Variants in SPECC1 observed in about 807,000 individuals in gnomAD.
SPECC1 encodes sperm antigen with calponin homology and coiled-coil domains 1.
SPECC1 carries 62 observed loss-of-function variants against 104.1 expected under a neutral mutation model. That is an observed-to-expected ratio of 0.60 (90% CI 0.49 to 0.74). The LOEUF (loss-of-function observed/expected upper bound fraction) is 0.74. SPECC1 is among the 30% of genes least tolerant of loss of function. The pLI, the probability that SPECC1 is intolerant of heterozygous loss-of-function variation, is 0.00. For missense variants in SPECC1, 1,306 were observed against 1,310.5 expected (o/e 1.00, Z 0.05); for synonymous variants, 513 against 501.6 (o/e 1.02, Z -0.30).
intron 4 of SPECC1, among the ~76,000 whole-genome samples, chr17:20,218,117 A>G (rs1286680092): frequency 2.6e-5 from 4 of 152,204 alleles, no homozygotes; most frequent in African/African-American, 9.7e-5. Flanking sequence ...TCTTTCATGT[A>G]TTGTGATTTT....
At chr17:20,180,874 C>T (rs2034834221) in intron 3 of SPECC1, among the ~76,000 whole-genome samples, 1 of 151,822 alleles carries the variant, frequency 6.6e-6, no homozygotes, top group South Asian at 2.1e-4. Context: ...TACATTTTCC[C>T]CTAGGTCTAG....
chr17:20,188,529 G>GT (rs2035437367), intron 3 of SPECC1, among the ~76,000 whole-genome samples: 1 of 152,038 alleles, frequency 6.6e-6, no homozygotes. Flanking sequence ...TGCCTGCCTT[G>GT]GCCTCCCAAA....
Position 20,204,739 on chromosome 17 carries a change from G to C in SPECC1, c.690G>C (p.Glu230Asp), listed in dbSNP as rs763906753. 10 of 1,604,966 alleles carry C rather than the reference G, an allele frequency of 6.2e-6. No individual in the cohort carries two copies. The highest frequency in any genetic ancestry group is 6.8e-6 in the Non-Finnish European group (8 of 1,179,808). ...GDTEPMIRAL[E>D]EKNKNFQKEL... ...CGGAACCTATGATAAGAGCTCTTGA[G>C]GAGAAGAACAAGAACTTTCAGAAAG... Residue 230 changes from glutamate (E) to aspartate (D), a missense_variant, in exon 4 of 15, where the codon GAG (glutamate) becomes GAC (aspartate). Transcript: ENST00000395527.
intron 12 of SPECC1, among the ~76,000 whole-genome samples, chr17:20,280,139 T>G (rs1167686516): frequency 6.6e-6 from 1 of 152,126 alleles, no homozygotes; most frequent in East Asian, 1.9e-4. Context: ...AACAGAAAAC[T>G]GGAAACAACC....
At chr17:20,146,127 T>A (rs1167856598) in intron 3 of SPECC1, among the ~76,000 whole-genome samples, 1 of 152,176 alleles carries the variant, frequency 6.6e-6, no homozygotes, top group African/African-American at 2.4e-5. Context: ...TGGTGTACAT[T>A]CTATGGGTTT....
At chr17:20,258,882 C>T (rs1246108198) in intron 11 of SPECC1, among the ~76,000 whole-genome samples, 1 of 152,342 alleles carries the variant, frequency 6.6e-6, no homozygotes, top group African/African-American at 2.4e-5. Flanking sequence ...TAGTGTGGAA[C>T]ACTGTTGCAC....
At chr17:20,219,848 T>C (rs752246293) in intron 4 of SPECC1, among the ~76,000 whole-genome samples, 8 of 152,188 alleles carry the variant, frequency 5.3e-5, no homozygotes, top group Non-Finnish European at 1.2e-4. Context: ...CCTTTTGATA[T>C]GATTTTTGTA....
chr17:20,189,152 A>G (rs1367765589), intron 3 of SPECC1, among the ~76,000 whole-genome samples: 11 of 152,162 alleles, frequency 7.2e-5, no homozygotes. Flanking sequence ...GCACGTGAAT[A>G]TGGCAGATCT....
chr17:20,239,014 G>T, intron 7 of SPECC1: 1 of 1,035,044 alleles, frequency 9.7e-7, no homozygotes, highest in Non-Finnish European at 1.2e-6. Context: ...ACTAGAATTT[G>T]AGGTAGAAAA....
Position 20,230,447 on chromosome 17 carries a change from C to T in SPECC1, c.2072-1311C>T, listed in dbSNP as rs558184407. ...ATACAACTGAAAACCTGGACGCCAT[C>T]ATCATCAGTGTATCCTTCCAAACCC... On this transcript the variant is annotated intron_variant, in intron 5 of 14. Transcript: ENST00000395527. 3.3e-5 allele frequency among the ~76,000 whole-genome samples: 5 copies of T among 152,300 alleles called. No individual in the cohort carries two copies. The East Asian group carries it at 9.6e-4, about 29-fold the overall frequency.
rs748689632 is a variant in SPECC1 at position 20,240,060 on chromosome 17, A to ATTTTTTTTT, written c.2352-5842_2352-5834dup. Among the ~76,000 whole-genome samples, 7 of 32,200 alleles carry ATTTTTTTTT rather than the reference A, an allele frequency of 2.2e-4. 1 individual carries two copies. Among genetic ancestry groups the ATTTTTTTTT allele is most frequent in the Non-Finnish European group, 3.1e-4 (6 of 19,360 alleles). The allele number at this position is 32,200 out of a possible 152,430, so 21.1% of individuals were successfully genotyped here. ...AGGGGCACACCACCATGTCCAGCTA[A>ATTTTTTTTT]TTTTTTTTTTTTTTTTTTTTTTTTT... On this transcript the variant is annotated intron_variant, in intron 7 of 14. Transcript: ENST00000395527.
intron 2 of SPECC1, among the ~76,000 whole-genome samples, chr17:20,105,724 G>A (rs942086623): frequency 2.6e-5 from 4 of 152,184 alleles, no homozygotes; most frequent in Non-Finnish European, 5.9e-5. Flanking sequence ...CTCTTGCAGT[G>A]CCTCAAAGGC....
chr17:20,031,058 G>A (rs570052149), intron 1 of SPECC1, among the ~76,000 whole-genome samples: 120 of 152,164 alleles, frequency 7.9e-4, no homozygotes, highest in Non-Finnish European at 1.3e-3. Flanking sequence ...TCAGTGGCGC[G>A]ATCTCGACTC....
chr17:20,312,934 G>A (rs1274214446), intron 14 of SPECC1, among the ~76,000 whole-genome samples: 1 of 152,188 alleles, frequency 6.6e-6, no homozygotes, highest in African/African-American at 2.4e-5. Context: ...AGGAACTGAT[G>A]TGCTAAGTTC....
intron 12 of SPECC1, among the ~76,000 whole-genome samples, chr17:20,286,334 A>G (rs2040944737): frequency 6.6e-6 from 1 of 152,108 alleles, no homozygotes; most frequent in Non-Finnish European, 1.5e-5. Flanking sequence ...GCTGCTTTTC[A>G]TTTTCTTCTC....
At chr17:20,235,906 G>A (rs1258996730) in intron 7 of SPECC1, among the ~76,000 whole-genome samples, 7 of 152,190 alleles carry the variant, frequency 4.6e-5, no homozygotes, top group Non-Finnish European at 8.8e-5. Context: ...AGCGCAGCAC[G>A]TGCAGACTCC....
At position 20,069,324 on chromosome 17, in the gene SPECC1, A is replaced by G. The variant is rs186693556; in HGVS notation, c.-21-27307A>G. ...GGCTGCATGTCCTTTCATTTTCTTG[A>G]TAGTATCTTTTGAAGCAAAAGGTTT... On this transcript the variant is annotated intron_variant, in intron 1 of 14. Transcript: ENST00000395527. 3.3e-5 allele frequency among the ~76,000 whole-genome samples: 5 copies of G among 152,082 alleles called. No individual in the cohort carries two copies. The East Asian group carries it at 9.6e-4, about 29-fold the overall frequency.
At chr17:20,073,923 C>T (rs559057529) in intron 1 of SPECC1, among the ~76,000 whole-genome samples, 13 of 152,168 alleles carry the variant, frequency 8.5e-5, no homozygotes, top group Admixed American at 5.2e-4. Flanking sequence ...CACCTTTTGA[C>T]GTGTTGAAAG....
chr17:20,301,029 C>T (rs2041559056), intron 13 of SPECC1, among the ~76,000 whole-genome samples: 1 of 152,146 alleles, frequency 6.6e-6, no homozygotes, highest in African/African-American at 2.4e-5. Flanking sequence ...CTAAATGCCC[C>T]ATCCTGGCCA....
Sources: allele counts gnomAD v4.1 joint callset (sites outside exome capture counted in the v4.1 genomes callset), GRCh38; gene constraint gnomAD v4.1.1; transcripts MANE v1.5; gene names NCBI Gene and HGNC (gene_info 2026-07-23, HGNC 2026-07-21).